Variants in SLC28A3 observed in about 807,000 individuals in gnomAD.
SLC28A3 encodes solute carrier family 28 member 3, also known as concentrative Na(+)-nucleoside cotransporter 3.
Under a neutral mutation model 84.2 loss-of-function variants are expected in SLC28A3, and 68 were observed. The observed-to-expected ratio is 0.81, with a 90% CI of 0.66 to 0.99. SLC28A3 has a LOEUF of 0.99. SLC28A3 is among the 50% of genes least tolerant of loss of function. SLC28A3 has a pLI of 0.00. For synonymous variants in SLC28A3, 267 were observed against 303.6 expected (o/e 0.88, Z 1.25); for missense variants, 712 against 841.5 (o/e 0.85, Z 1.90).
At chr9:84,291,960 G>C (rs755913935) in intron 10 of SLC28A3, among the ~76,000 whole-genome samples, 1 of 152,170 alleles carries the variant, frequency 6.6e-6, no homozygotes, top group African/African-American at 2.4e-5. Context: ...TGCTTAAATG[G>C]GCTTCAGGCA....
At chr9:84,358,391 T>C in the SLC28A3 span, among the ~76,000 whole-genome samples, 1 of 152,062 alleles carries the variant, frequency 6.6e-6, no homozygotes, top group Non-Finnish European at 1.5e-5. Flanking sequence ...GCAGCCTTCA[T>C]GTAACCCGAA....
chr9:84,298,300 A>T (rs1195407206), intron 6 of SLC28A3, among the ~76,000 whole-genome samples: 1 of 152,190 alleles, frequency 6.6e-6, no homozygotes, highest in Non-Finnish European at 1.5e-5. Context: ...CAGCCTGGCC[A>T]CCATGGCAAA....
chr9:84,337,625 A>G (rs1472111632), intron 1 of SLC28A3, among the ~76,000 whole-genome samples: 1 of 152,210 alleles, frequency 6.6e-6, no homozygotes, highest in African/African-American at 2.4e-5. Context: ...AAATCCTTAG[A>G]TATTCCACAT....
At chr9:84,336,714 G>A (rs114791144) in intron 1 of SLC28A3, among the ~76,000 whole-genome samples, 3 of 152,258 alleles carry the variant, frequency 2.0e-5, no homozygotes, top group African/African-American at 2.4e-5. Context: ...AATTCTGAGC[G>A]ATTCCTTCTA....
At chr9:84,296,248 A>G (rs1453979693) in intron 8 of SLC28A3, among the ~76,000 whole-genome samples, 1 of 152,192 alleles carries the variant, frequency 6.6e-6, no homozygotes, top group Non-Finnish European at 1.5e-5. Flanking sequence ...AACCAGCTAA[A>G]CTGCCAGGTA....
chr9:84,345,902 G>A, the SLC28A3 span, among the ~76,000 whole-genome samples: 2 of 152,138 alleles, frequency 1.3e-5, no homozygotes, highest in African/African-American at 2.4e-5. Flanking sequence ...GTAACACCTT[G>A]GTAGAAGCTA....
the SLC28A3 span, among the ~76,000 whole-genome samples, chr9:84,363,059 G>A: frequency 2.0e-5 from 3 of 152,160 alleles, no homozygotes; most frequent in East Asian, 5.8e-4. Flanking sequence ...CTTTATTTAC[G>A]AATGAAAGAA....
chr9:84,339,491 C>T (rs1827087264), intron 1 of SLC28A3, among the ~76,000 whole-genome samples: 1 of 152,144 alleles, frequency 6.6e-6, no homozygotes, highest in African/African-American at 2.4e-5. Context: ...CTCAAATGAT[C>T]AGCCCGCCTC....
chr9:84,281,442 A>G (rs1188376846), intron 14 of SLC28A3, among the ~76,000 whole-genome samples: 1 of 152,248 alleles, frequency 6.6e-6, no homozygotes, highest in East Asian at 1.9e-4. Flanking sequence ...AAATAAAGCC[A>G]CAATGAGATA....
upstream of SLC28A3, among the ~76,000 whole-genome samples, chr9:84,345,324 G>A (rs544426405): frequency 5.9e-5 from 9 of 151,968 alleles, no homozygotes; most frequent in East Asian, 1.9e-4. Context: ...TTGAGAAATC[G>A]TTAGTTGGAA....
chr9:84,345,647 C>G (rs752569059), upstream of SLC28A3, among the ~76,000 whole-genome samples: 40 of 152,284 alleles, frequency 2.6e-4, no homozygotes, highest in Middle Eastern at 3.4e-3. Flanking sequence ...TTAAAAGATA[C>G]AGTGACCTCC....
chr9:84,334,730 G>A (rs1826910052), intron 1 of SLC28A3, among the ~76,000 whole-genome samples: 1 of 150,098 alleles, frequency 6.7e-6, no homozygotes, highest in African/African-American at 2.5e-5. Flanking sequence ...TGCACCAGAA[G>A]AGCGTTCATT....
chr9:84,330,247 A>T (rs1472312064), intron 1 of SLC28A3, among the ~76,000 whole-genome samples: 1 of 152,228 alleles, frequency 6.6e-6, no homozygotes, highest in East Asian at 1.9e-4. Context: ...ATGTCAAGGA[A>T]AAAAGAAACC....
the SLC28A3 span, among the ~76,000 whole-genome samples, chr9:84,363,245 C>T: frequency 3.3e-5 from 5 of 151,936 alleles, no homozygotes; most frequent in Admixed American, 2.0e-4. Context: ...GGAGATTGAA[C>T]GAAGGTACAG....
At chr9:84,342,958 T>C (rs1827194166), upstream of SLC28A3, among the ~76,000 whole-genome samples, 1 of 151,994 alleles carries the variant, frequency 6.6e-6, no homozygotes, top group Non-Finnish European at 1.5e-5. Flanking sequence ...AGTCAGGAAT[T>C]CGAGACCAGC....
intron 14 of SLC28A3, among the ~76,000 whole-genome samples, chr9:84,281,181 T>C (rs1258922999): frequency 6.6e-6 from 1 of 152,186 alleles, no homozygotes; most frequent in Non-Finnish European, 1.5e-5. Context: ...CCATATGACC[T>C]GGCCATCTGC....
At chr9:84,352,215 G>A in the SLC28A3 span, among the ~76,000 whole-genome samples, 395 of 151,810 alleles carry the variant, frequency 2.6e-3, 1 homozygote, top group African/African-American at 8.9e-3. Flanking sequence ...ACAGAGTCTC[G>A]CACTGTTGCC....
intron 11 of SLC28A3, among the ~76,000 whole-genome samples, chr9:84,289,259 A>C (rs1825117142): frequency 6.6e-6 from 1 of 152,110 alleles, no homozygotes; most frequent in Admixed American, 6.5e-5. Context: ...CTTCCTACTA[A>C]TTGGCACTCC....
intron 14 of SLC28A3, among the ~76,000 whole-genome samples, chr9:84,284,089 G>A (rs1315298725): frequency 1.3e-5 from 2 of 152,072 alleles, no homozygotes; most frequent in Non-Finnish European, 2.9e-5. Context: ...AAATTGCTTC[G>A]TGCTGCCAGA....
Sources: allele counts gnomAD v4.1 joint callset (sites outside exome capture counted in the v4.1 genomes callset), GRCh38; gene constraint gnomAD v4.1.1; transcripts MANE v1.5; gene names NCBI Gene and HGNC (gene_info 2026-07-23, HGNC 2026-07-21).